The following MACF1 variants were observed in gnomAD, a reference collection of about 807,000 sequenced individuals.
The protein encoded by MACF1 is microtubule actin crosslinking factor 1.
A neutral mutation model predicts 854.8 loss-of-function variants in MACF1; 193 were observed. The observed-to-expected ratio is 0.23, with a 90% CI of 0.20 to 0.25. The LOEUF is 0.25. Ranked by LOEUF, MACF1 falls within the 10% of genes least tolerant of loss-of-function variation. The probability of loss-of-function intolerance (pLI) is 1.00; values close to 1 mark genes in which losing one functional copy is unlikely to be tolerated. For missense variants in MACF1, 7,722 were observed against 8,929.1 expected, an observed-to-expected ratio of 0.86 and a Z score of 5.45; for synonymous variants, 3,185 against 3,226.7, an observed-to-expected ratio of 0.99 and a Z score of 0.44.
At chr1:39,171,922 G>T (rs1643955318) in intron 2 of MACF1, among the ~76,000 whole-genome samples, 1 of 152,208 alleles carries the variant, frequency 6.6e-6, no homozygotes, top group Non-Finnish European at 1.5e-5. Flanking sequence ...CACCACGCCC[G>T]GCCCAGACAT....
chr1:39,430,350 T>G (rs1422942853), intron 65 of MACF1, among the ~76,000 whole-genome samples: 2 of 151,942 alleles, frequency 1.3e-5, no homozygotes, highest in Non-Finnish European at 2.9e-5. Context: ...TCTAGTATAG[T>G]TCTAGATGCA....
At chr1:39,252,515 G>T (rs746997959) in intron 4 of MACF1, among the ~76,000 whole-genome samples, 3 of 152,110 alleles carry the variant, frequency 2.0e-5, no homozygotes, top group Non-Finnish European at 4.4e-5. Flanking sequence ...TTTTGGTGAG[G>T]GGTACATATG....
rs760523630 is a variant in MACF1, at chr1:39,424,097, G to T, written c.16219G>T (p.Ala5407Ser). ...DMLQAEGGRI[A>S]QSAELADREK... ...GCTTCAAGCAGAAGGAGGCAGAATA[G>T]CCCAGTCAGCAGAGCTGGCTGATAG... The change falls in exon 61 of 101, where the codon GCC (alanine) becomes TCC (serine). Residue 5407 changes from alanine (A) to serine (S), a missense_variant. Physicochemically the swap from Ala to Ser is moderately conservative, Grantham distance 99. Transcript: ENST00000564288. 3.1e-6 allele frequency: 5 copies of T among 1,612,568 alleles called. No homozygotes were observed. The highest frequency in any genetic ancestry group is 1.7e-4 in the Middle Eastern group (1 of 6,060).
intron 1 of MACF1, among the ~76,000 whole-genome samples, chr1:39,205,983 T>C (rs1644445710): frequency 6.6e-6 from 1 of 152,166 alleles, no homozygotes; most frequent in South Asian, 2.1e-4. Flanking sequence ...TCTCATTGCC[T>C]TCAGTACTCT....
chr1:39,174,836 G>T (rs1644003548), intron 2 of MACF1, among the ~76,000 whole-genome samples: 1 of 152,184 alleles, frequency 6.6e-6, no homozygotes, highest in South Asian at 2.1e-4. Flanking sequence ...GAAACCCTCA[G>T]GGCTGGGTCT....
chr1:39,401,478 G>T (rs1037647002), intron 58 of MACF1, among the ~76,000 whole-genome samples: 1 of 152,100 alleles, frequency 6.6e-6, no homozygotes, highest in African/African-American at 2.4e-5. Flanking sequence ...AAAAAATATC[G>T]GCAGAGTTTC....
chr1:39,099,590 T>G (rs1642016677), intron 2 of MACF1, among the ~76,000 whole-genome samples: 1 of 152,130 alleles, frequency 6.6e-6, no homozygotes, highest in Non-Finnish European at 1.5e-5. Context: ...ATTTTGTACT[T>G]CCCTCTTTCC....
At chr1:39,244,069 G>A (rs574289249) in intron 2 of MACF1, among the ~76,000 whole-genome samples, 5 of 151,702 alleles carry the variant, frequency 3.3e-5, no homozygotes, top group Non-Finnish European at 7.4e-5. Flanking sequence ...ACCTCTCTCT[G>A]TATCTCTTTG....
chr1:39,235,084 C>A (rs954098261), intron 2 of MACF1, among the ~76,000 whole-genome samples: 1 of 152,036 alleles, frequency 6.6e-6, no homozygotes, highest in Admixed American at 6.5e-5. Context: ...CAGAGACGCT[C>A]CTCACTTCCC....
At chr1:39,339,736 G>T (rs1000999229) in intron 38 of MACF1, among the ~76,000 whole-genome samples, 1 of 152,182 alleles carries the variant, frequency 6.6e-6, no homozygotes, top group African/African-American at 2.4e-5. Flanking sequence ...AGTGATAACT[G>T]ATAGAACCAG....
intron 2 of MACF1, among the ~76,000 whole-genome samples, chr1:39,116,414 G>A (rs1406734686): frequency 1.3e-5 from 2 of 151,986 alleles, no homozygotes; most frequent in African/African-American, 4.8e-5. Context: ...GCACGTGTGT[G>A]TGTGTATGTG....
Position 39,358,693 on chromosome 1 carries a change from A to C in MACF1, c.11944-4A>C. The C allele has an allele frequency of 6.2e-7, 1 of 1,613,222 alleles. No homozygotes were observed. The highest frequency in any genetic ancestry group is 1.1e-5 in the South Asian group (1 of 90,894). On this transcript the variant is annotated splice_region_variant and splice_polypyrimidine_tract_variant and intron_variant, in intron 45 of 100. Coordinates refer to ENST00000564288, the MANE Select transcript of MACF1 (RefSeq NM_001394062.1). ...GTCTGCTTACCTTTCTTTCTCTGGC[A>C]CAGTGTACACGATTAGGATCTCACC...
At chr1:39,371,319 C>CAAAAAA (rs764951315) in intron 51 of MACF1, among the ~76,000 whole-genome samples, 1 of 81,304 alleles carries the variant, frequency 1.2e-5, no homozygotes, top group African/African-American at 4.3e-5. Context: ...GACTCTGTCT[C>CAAAAAA]AAAAAAAAAA....
intron 1 of MACF1, among the ~76,000 whole-genome samples, chr1:39,211,569 G>A (rs1330932945): frequency 6.6e-6 from 1 of 152,000 alleles, no homozygotes; most frequent in East Asian, 1.9e-4. Flanking sequence ...CACCCGGCCT[G>A]TCTTTATAGT....
chr1:39,101,625 C>A lies in MACF1; in HGVS notation c.220+17187C>A, dbSNP rs548595940. Among the ~76,000 whole-genome samples, 22 of 150,706 alleles carry A rather than the reference C, an allele frequency of 1.5e-4. No individual in the cohort carries two copies. The South Asian group carries it at 2.7e-3, about 19-fold the overall frequency. ...GGTTCACGAGGTCAGGAGATGGAGA[C>A]CATCCTGGCTAACACAGTGAAACCC... On this transcript the variant is annotated intron_variant, in intron 2 of 93. Transcript: ENST00000361689.
At position 39,282,254 on chromosome 1, in the gene MACF1, A is replaced by G; in HGVS notation, c.575A>G (p.Lys192Arg). 1 of 1,614,078 alleles carries G rather than the reference A, an allele frequency of 6.2e-7. No homozygotes were observed. The part of the protein sequence containing the change: ...ISGESGDMSA[K>R]EKLLLWTQKV... ...GGAGAATCAGGGGATATGTCAGCCA[A>G]GGAGAAACTACTCCTGTGGACCCAG... The change falls in exon 7 of 101, where the codon AAG (lysine) becomes AGG (arginine). Residue 192 changes from lysine (K) to arginine (R), a missense_variant. By Grantham distance (26) the Lys-to-Arg change is conservative. Transcript: ENST00000564288.
At chr1:39,303,181 T>TC in intron 23 of MACF1, 103 bp downstream of exon 23, 1 of 1,343,682 alleles carries the variant, frequency 7.4e-7, no homozygotes, top group Non-Finnish European at 1.0e-6. Flanking sequence ...AACACAGTGG[T>TC]AAAGTTCCTC....
chr1:39,299,886 A>AT (rs1646004960), intron 21 of MACF1, among the ~76,000 whole-genome samples: 1 of 152,162 alleles, frequency 6.6e-6, no homozygotes, highest in Non-Finnish European at 1.5e-5. Context: ...GTTTAGATAG[A>AT]TTTTTTATTA....
chr1:39,300,922 T>C (rs767124410), intron 22 of MACF1, among the ~76,000 whole-genome samples: 67 of 151,994 alleles, frequency 4.4e-4, no homozygotes, highest in Non-Finnish European at 8.8e-4. Context: ...CTCGGGAGGC[T>C]GAGACAGGAG....
Sources: allele counts gnomAD v4.1 joint callset (sites outside exome capture counted in the v4.1 genomes callset), GRCh38; gene constraint gnomAD v4.1.1; transcripts MANE v1.5; gene names NCBI Gene and HGNC (gene_info 2026-07-23, HGNC 2026-07-21).